MALRD1: variants seen among roughly 807,000 people sequenced by gnomAD.
MALRD1 encodes MAM and LDL-receptor class A domain-containing protein 1.
MALRD1 carries 247 observed loss-of-function variants against 242.1 expected under a neutral mutation model. That is an observed-to-expected ratio of 1.02 (90% CI 0.92 to 1.13). The LOEUF is 1.13. Among genes scored for constraint, MALRD1 ranks in the 50% most tolerant of loss-of-function variants. The pLI, the probability that MALRD1 is intolerant of heterozygous loss-of-function variation, is 0.00. For synonymous variants in MALRD1, 995 were observed against 866.6 expected, an observed-to-expected ratio of 1.15 and a Z score of -2.60; for missense variants, 2,989 against 2,533.1, an observed-to-expected ratio of 1.18 and a Z score of -3.86.
rs79594418 is a variant in MALRD1, at chr10:19,378,786, T to A, written c.4442-8742T>A. Among the ~76,000 whole-genome samples the A allele has an allele frequency of 4.8e-3, 728 of 152,214 alleles. 8 individuals are homozygous for A. Among genetic ancestry groups the A allele is most frequent in the African/African-American group, 0.016 (681 of 41,548 alleles). On this transcript the variant is annotated intron_variant, in intron 26 of 39. Transcript: ENST00000454679. ...ATTGGTCTATCATCTTGTCATGTAT[T>A]TTTCTGTTTTTGGTATTAGAGTAAT...
intron 26 of MALRD1, among the ~76,000 whole-genome samples, chr10:19,363,386 T>A (rs1211837799): frequency 6.6e-6 from 1 of 151,964 alleles, no homozygotes; most frequent in East Asian, 1.9e-4. Flanking sequence ...AGGTGAACAG[T>A]GTTCTGGAAG....
chr10:19,430,678 T>C (rs986309196), intron 28 of MALRD1, among the ~76,000 whole-genome samples: 10 of 152,178 alleles, frequency 6.6e-5, no homozygotes, highest in African/African-American at 2.2e-4. Context: ...CCCAGCTCTA[T>C]TGGCACATAA....
At chr10:19,629,040 C>T (rs1483096456) in intron 36 of MALRD1, among the ~76,000 whole-genome samples, 2 of 152,178 alleles carry the variant, frequency 1.3e-5, no homozygotes, top group Admixed American at 1.3e-4. Flanking sequence ...ATTTGCAGAG[C>T]TGGATTGTAC....
At chr10:19,135,821 A>G (rs941286371) in intron 9 of MALRD1, among the ~76,000 whole-genome samples, 8 of 152,214 alleles carry the variant, frequency 5.3e-5, no homozygotes, top group African/African-American at 1.9e-4. Flanking sequence ...GTTAAGTAAT[A>G]ATTGCTCTTG....
In MALRD1 at chr10:19,137,882, T is replaced by A. The variant is rs542131399; in HGVS notation, c.1411+1101T>A. Among the ~76,000 whole-genome samples, 12 of 152,358 alleles carry A rather than the reference T, an allele frequency of 7.9e-5. No homozygotes were observed. The South Asian group carries it at 2.5e-3, about 32-fold the overall frequency. Reference sequence around the variant, plus strand: ...TGAATTCCAAGGATATGAATCCAATTTCTGTATCACAAACAGGTGGTTTTT... The same window carrying A: ...TGAATTCCAAGGATATGAATCCAATATCTGTATCACAAACAGGTGGTTTTT... On this transcript the variant is annotated intron_variant, in intron 10 of 39. Coordinates refer to ENST00000454679, the MANE Select transcript of MALRD1 (RefSeq NM_001142308.3).
intron 21 of MALRD1, among the ~76,000 whole-genome samples, chr10:19,301,954 T>A (rs564155548): frequency 1.3e-5 from 2 of 151,812 alleles, no homozygotes; most frequent in Non-Finnish European, 2.9e-5. Flanking sequence ...AGGAAAAGCA[T>A]TTGAGTAGGT....
intron 36 of MALRD1, among the ~76,000 whole-genome samples, chr10:19,621,033 T>G (rs941305358): frequency 4.0e-5 from 6 of 151,622 alleles, no homozygotes; most frequent in Admixed American, 3.9e-4. Context: ...GTAATTCCAT[T>G]TTACTACAAT....
At chr10:19,190,053 A>G (rs560266158) in intron 14 of MALRD1, among the ~76,000 whole-genome samples, 13 of 152,244 alleles carry the variant, frequency 8.5e-5, no homozygotes, top group African/African-American at 2.2e-4. Flanking sequence ...GAATTTTTAT[A>G]TGTAAATATC....
intron 5 of MALRD1, among the ~76,000 whole-genome samples, chr10:19,118,865 A>C (rs1221913658): frequency 6.6e-6 from 1 of 152,144 alleles, no homozygotes; most frequent in Admixed American, 6.5e-5. Flanking sequence ...TTATATGAGG[A>C]AGGTCATAGT....
chr10:19,516,478 A>T (rs547881553), intron 31 of MALRD1, among the ~76,000 whole-genome samples: 4 of 152,324 alleles, frequency 2.6e-5, no homozygotes, highest in Admixed American at 2.6e-4. Flanking sequence ...AAACTCACTA[A>T]TTTATTAAAG....
intron 2 of MALRD1, among the ~76,000 whole-genome samples, chr10:19,076,318 C>T (rs1835317074): frequency 2.0e-5 from 3 of 151,736 alleles, no homozygotes; most frequent in African/African-American, 4.8e-5. Flanking sequence ...TATCTATGTA[C>T]TTACTTATTT....
intron 31 of MALRD1, among the ~76,000 whole-genome samples, chr10:19,514,006 T>TTAA (rs1269618331): frequency 6.6e-6 from 1 of 152,184 alleles, no homozygotes; most frequent in African/African-American, 2.4e-5. Context: ...AACCTGTACT[T>TTAA]GTTAGAGTCC....
In MALRD1 at chr10:19,146,334, C is replaced by A; in HGVS notation, c.1548C>A (p.Asn516Lys). The part of the protein sequence containing the change: ...HHFPAADHTA[N>K]INHGSFIYLE... ...TTCCTGCAGCTGATCACACAGCAAA[C>A]ATAAATCATGGTAGGACATTTTCCT... Residue 516 changes from asparagine to lysine, a missense_variant, in exon 11 of 40, where the codon AAC (asparagine) becomes AAA (lysine). By Grantham distance (94) the Asn-to-Lys change is moderately conservative. Transcript: ENST00000454679. 1 of 1,231,394 alleles carries A rather than the reference C, an allele frequency of 8.1e-7. No individual in the cohort carries two copies. The allele number at this position is 1,231,394 out of a possible 1,614,324, so 76.3% of individuals were successfully genotyped here. A position where few individuals can be genotyped will look rare whatever the true frequency, so the allele number is the denominator to read the frequency against.
intron 14 of MALRD1, among the ~76,000 whole-genome samples, chr10:19,180,145 G>C (rs1835440183): frequency 6.6e-6 from 1 of 152,324 alleles, no homozygotes; most frequent in East Asian, 1.9e-4. Flanking sequence ...GTGGTTTTGA[G>C]TCAAGACAGT....
intron 5 of MALRD1, among the ~76,000 whole-genome samples, chr10:19,107,277 T>C (rs1836496764): frequency 6.6e-6 from 1 of 152,054 alleles, no homozygotes; most frequent in South Asian, 2.1e-4. Context: ...TCTATACATC[T>C]AATAATGTTT....
chr10:19,509,608 G>C, intron 31 of MALRD1, among the ~76,000 whole-genome samples: 1 of 152,152 alleles, frequency 6.6e-6, no homozygotes, highest in East Asian at 1.9e-4. Context: ...TTTGGTCTCA[G>C]TATGGAACTC....
At chr10:19,486,372 A>G (rs1010290570) in intron 29 of MALRD1, among the ~76,000 whole-genome samples, 2 of 152,120 alleles carry the variant, frequency 1.3e-5, no homozygotes, top group African/African-American at 4.8e-5. Context: ...TCATGCCTTC[A>G]ATGCATCTAG....
At chr10:19,248,387 C>T (rs556753574) in intron 18 of MALRD1, among the ~76,000 whole-genome samples, 18 of 135,792 alleles carry the variant, frequency 1.3e-4, no homozygotes, top group African/African-American at 4.9e-4. Flanking sequence ...TATTAAGGTG[C>T]CATGAAAAAA....
chr10:19,218,075 G>A (rs1465480655), intron 18 of MALRD1, among the ~76,000 whole-genome samples: 1 of 151,974 alleles, frequency 6.6e-6, no homozygotes, highest in Non-Finnish European at 1.5e-5. Flanking sequence ...GTTCCTTAGT[G>A]ACATGAAACT....
Sources: allele counts gnomAD v4.1 joint callset (sites outside exome capture counted in the v4.1 genomes callset), GRCh38; gene constraint gnomAD v4.1.1; transcripts MANE v1.5; gene names NCBI Gene and HGNC (gene_info 2026-07-23, HGNC 2026-07-21).